The following CSRNP3 variants were observed in gnomAD, a reference collection of about 807,000 sequenced individuals.
CSRNP3 encodes the protein cysteine and serine rich nuclear protein 3, also known as cysteine/serine-rich nuclear protein 3.
CSRNP3 carries 12 observed loss-of-function variants against 48.0 expected under a neutral mutation model. The observed-to-expected ratio is 0.25, with a 90% CI of 0.16 to 0.41. The LOEUF is 0.41. CSRNP3 is among the 10% of genes least tolerant of loss of function. CSRNP3 has a pLI of 1.00. For missense variants in CSRNP3, 580 were observed against 724.4 expected, an observed-to-expected ratio of 0.80 and a Z score of 2.29; for synonymous variants, 263 against 269.7, an observed-to-expected ratio of 0.98 and a Z score of 0.24.
chr2:165,556,688 G>A (rs905587743), intron 3 of CSRNP3, among the ~76,000 whole-genome samples: 7 of 152,158 alleles, frequency 4.6e-5, no homozygotes, highest in Admixed American at 1.3e-4. Flanking sequence ...TACTGAAAAG[G>A]TCAGTTTTAA....
intron 4 of CSRNP3, among the ~76,000 whole-genome samples, chr2:165,601,626 G>C (rs1685916109): frequency 6.6e-6 from 1 of 152,084 alleles, no homozygotes; most frequent in Non-Finnish European, 1.5e-5. Flanking sequence ...CAAGAGCTAA[G>C]ATACAATCTG....
At chr2:165,619,502 A>G (rs1686305170) in intron 4 of CSRNP3, among the ~76,000 whole-genome samples, 1 of 152,128 alleles carries the variant, frequency 6.6e-6, no homozygotes. Flanking sequence ...ATCGTACCTC[A>G]TAGCTACTGG....
intron 4 of CSRNP3, 125 bp downstream of exon 4, chr2:165,595,338 C>A: frequency 1.1e-6 from 1 of 870,902 alleles, no homozygotes; most frequent in Non-Finnish European, 1.7e-6. Flanking sequence ...ACAAAGAACA[C>A]TTACCCAAAA....
At chr2:165,662,501 T>A (rs1468189129) in intron 5 of CSRNP3, among the ~76,000 whole-genome samples, 1 of 152,202 alleles carries the variant, frequency 6.6e-6, no homozygotes, top group East Asian at 1.9e-4. Flanking sequence ...AAACATGTCA[T>A]ACTCTTCACA....
chr2:165,498,331 A>C (rs1684309159), intron 2 of CSRNP3, among the ~76,000 whole-genome samples: 1 of 152,128 alleles, frequency 6.6e-6, no homozygotes, highest in Non-Finnish European at 1.5e-5. Context: ...CTTTAAAGGT[A>C]AAACCTTTGT....
chr2:165,657,040 A>C (rs1295421892), intron 4 of CSRNP3, among the ~76,000 whole-genome samples: 1 of 152,208 alleles, frequency 6.6e-6, no homozygotes, highest in Non-Finnish European at 1.5e-5. Flanking sequence ...TTTAGTTTTA[A>C]ATTGCAGGCT....
intron 2 of CSRNP3, among the ~76,000 whole-genome samples, chr2:165,500,821 A>G (rs1256143837): frequency 2.6e-5 from 4 of 152,100 alleles, no homozygotes; most frequent in Non-Finnish European, 4.4e-5. Context: ...TTGAAAATGT[A>G]TATACTTTAA....
chr2:165,485,923 T>C (rs1037956316), intron 1 of CSRNP3, among the ~76,000 whole-genome samples: 1 of 152,088 alleles, frequency 6.6e-6, no homozygotes, highest in African/African-American at 2.4e-5. Flanking sequence ...CATCAAATAA[T>C]TAACAAAGCT....
At chr2:165,531,910 A>G (rs1022337511) in intron 3 of CSRNP3, among the ~76,000 whole-genome samples, 6 of 152,190 alleles carry the variant, frequency 3.9e-5, no homozygotes, top group African/African-American at 1.4e-4. Flanking sequence ...ACAAACTACC[A>G]TCAGAGAATA....
chr2:165,555,149 C>T (rs1221110009), intron 3 of CSRNP3, among the ~76,000 whole-genome samples: 1 of 152,156 alleles, frequency 6.6e-6, no homozygotes, highest in East Asian at 1.9e-4. Flanking sequence ...TTACCACCCC[C>T]TCCAACACAA....
chr2:165,581,377 A>G (rs1685542702), intron 3 of CSRNP3, among the ~76,000 whole-genome samples: 1 of 152,226 alleles, frequency 6.6e-6, no homozygotes. Context: ...TCAGCAGGAC[A>G]TAAGTCAATT....
At chr2:165,494,430 C>T (rs755407385) in intron 1 of CSRNP3, among the ~76,000 whole-genome samples, 8 of 152,094 alleles carry the variant, frequency 5.3e-5, no homozygotes, top group East Asian at 3.9e-4. Context: ...TGACAACACA[C>T]GATTTACTAG....
intron 2 of CSRNP3, among the ~76,000 whole-genome samples, chr2:165,509,790 C>G (rs1437475848): frequency 2.6e-5 from 4 of 152,116 alleles, no homozygotes; most frequent in Non-Finnish European, 5.9e-5. Flanking sequence ...TCAGCTTTCA[C>G]ATTTTACCCA....
intron 3 of CSRNP3, among the ~76,000 whole-genome samples, chr2:165,561,722 G>C (rs976612007): frequency 6.6e-5 from 10 of 152,046 alleles, no homozygotes; most frequent in African/African-American, 2.4e-4. Flanking sequence ...CTACCCCACA[G>C]TATGTTCTTT....
chr2:165,669,864 A>G (rs1373280851), intron 5 of CSRNP3, among the ~76,000 whole-genome samples: 1 of 152,296 alleles, frequency 6.6e-6, no homozygotes, highest in East Asian at 1.9e-4. Context: ...CTTGACCTGG[A>G]GATCCTAACA....
intron 4 of CSRNP3, among the ~76,000 whole-genome samples, chr2:165,603,191 G>A (rs1202008853): frequency 1.3e-5 from 2 of 152,134 alleles, no homozygotes; most frequent in East Asian, 1.9e-4. Context: ...CACCGCGCCC[G>A]GCCTGAATCT....
rs1376235696 is a variant in CSRNP3 at position 165,607,704 on chromosome 2, G to A, written c.148+12491G>A. 2.6e-5 allele frequency among the ~76,000 whole-genome samples: 4 copies of A among 152,108 alleles called. No homozygotes were observed. The East Asian group carries it at 7.7e-4, about 29-fold the overall frequency. Reference sequence around the variant, plus strand: ...TTGTGAAAGAAAAATATGTAGGTTTGCTCTGATGTTTCTTTCCCTAGTGCA... The same window carrying A: ...TTGTGAAAGAAAAATATGTAGGTTTACTCTGATGTTTCTTTCCCTAGTGCA... On this transcript the variant is annotated intron_variant, in intron 4 of 6. Coordinates refer to ENST00000651982, the MANE Select transcript of CSRNP3 (RefSeq NM_001172173.2).
intron 4 of CSRNP3, among the ~76,000 whole-genome samples, chr2:165,600,284 T>C (rs1212822885): frequency 1.3e-5 from 2 of 148,730 alleles, no homozygotes; most frequent in African/African-American, 2.5e-5. Flanking sequence ...TATGGCTTCA[T>C]AGTATTCCAT....
At chr2:165,557,345 G>A (rs1271884529) in intron 3 of CSRNP3, among the ~76,000 whole-genome samples, 1 of 152,182 alleles carries the variant, frequency 6.6e-6, no homozygotes, top group Non-Finnish European at 1.5e-5. Context: ...GCAACCATAT[G>A]TTTTGCAAAA....
Sources: gnomAD v4.1 joint callset for allele counts (sites outside exome capture counted in the v4.1 genomes callset) on GRCh38, gnomAD v4.1.1 for gene constraint, MANE v1.5 for transcripts, NCBI Gene and HGNC (gene_info 2026-07-23, HGNC 2026-07-21) for gene names.